The following RSRC1 variants were observed in gnomAD, a reference collection of about 807,000 sequenced individuals.
RSRC1 encodes arginine and serine rich coiled-coil 1.
RSRC1 carries 39 observed loss-of-function variants against 49.1 expected under a neutral mutation model. That is an observed-to-expected ratio of 0.79 (90% CI 0.61 to 1.04). The LOEUF is 1.04. Ranked by LOEUF, RSRC1 falls within the 50% of genes least tolerant of loss-of-function variation. RSRC1 has a pLI of 0.00. For missense variants in RSRC1, 388 were observed against 402.4 expected, an observed-to-expected ratio of 0.96 and a Z score of 0.31; for synonymous variants, 143 against 130.8, an observed-to-expected ratio of 1.09 and a Z score of -0.63.
chr3:158,120,567 T>C (rs1221867243), intron 1 of RSRC1, among the ~76,000 whole-genome samples: 1 of 147,216 alleles, frequency 6.8e-6, no homozygotes, highest in Non-Finnish European at 1.5e-5. Flanking sequence ...TTAATATTAA[T>C]ATATTAAATA....
At chr3:158,194,378 T>TA (rs1466150349) in intron 3 of RSRC1, among the ~76,000 whole-genome samples, 3 of 151,880 alleles carry the variant, frequency 2.0e-5, no homozygotes, top group Non-Finnish European at 4.4e-5. Flanking sequence ...TTCTTTTTTT[T>TA]AAATATACAC....
intron 4 of RSRC1, among the ~76,000 whole-genome samples, chr3:158,294,373 A>G (rs139255658): frequency 0.012 from 1,890 of 152,138 alleles, 51 homozygotes; most frequent in African/African-American, 0.044. Flanking sequence ...TCTTTTTCAT[A>G]ACTTCATTTT....
intron 4 of RSRC1, among the ~76,000 whole-genome samples, chr3:158,235,586 A>G (rs1730059): frequency 0.45 from 68,376 of 152,058 alleles, 15,723 homozygotes; most frequent in East Asian, 0.64. Context: ...TGATGAGTTC[A>G]TATATATTTT....
chr3:158,279,736 T>C (rs188958493), intron 4 of RSRC1, among the ~76,000 whole-genome samples: 1 of 152,340 alleles, frequency 6.6e-6, no homozygotes, highest in African/African-American at 2.4e-5. Context: ...AAGTCTTTCT[T>C]ATATGCAGTG....
intron 4 of RSRC1, among the ~76,000 whole-genome samples, chr3:158,211,946 A>G (rs923646248): frequency 6.6e-6 from 1 of 151,830 alleles, no homozygotes; most frequent in African/African-American, 2.4e-5. Context: ...AGTCTGAAAT[A>G]CTTTCTTCTC....
chr3:158,415,619 T>C (rs1734700928), intron 6 of RSRC1, among the ~76,000 whole-genome samples: 1 of 152,074 alleles, frequency 6.6e-6, no homozygotes, highest in Admixed American at 6.6e-5. Context: ...AAATATTGAC[T>C]TTCAGTTTTT....
At chr3:158,149,102 G>A (rs999056153) in intron 3 of RSRC1, among the ~76,000 whole-genome samples, 1 of 152,120 alleles carries the variant, frequency 6.6e-6, no homozygotes, top group South Asian at 2.1e-4. Flanking sequence ...ATGCTTTTAT[G>A]TATTTGCTGT....
At chr3:158,188,009 G>A (rs1156307299) in intron 3 of RSRC1, among the ~76,000 whole-genome samples, 1 of 151,900 alleles carries the variant, frequency 6.6e-6, no homozygotes, top group Non-Finnish European at 1.5e-5. Flanking sequence ...CTCTCATGCA[G>A]CCGTGAGATA....
chr3:158,322,199 T>G (rs1242132125), intron 5 of RSRC1, among the ~76,000 whole-genome samples: 1 of 152,192 alleles, frequency 6.6e-6, no homozygotes. Context: ...TTATTTCGTG[T>G]TTATTTTTGT....
chr3:158,318,063 T>G (rs956284085), intron 5 of RSRC1, among the ~76,000 whole-genome samples: 1 of 152,076 alleles, frequency 6.6e-6, no homozygotes, highest in Non-Finnish European at 1.5e-5. Context: ...TTTTGGCGAT[T>G]TTTAAAATAG....
chr3:158,417,948 T>A (rs1734834863), intron 6 of RSRC1, among the ~76,000 whole-genome samples: 1 of 151,878 alleles, frequency 6.6e-6, no homozygotes, highest in African/African-American at 2.4e-5. Context: ...CTTTTACTTG[T>A]TTCGGGTTTC....
intron 6 of RSRC1, among the ~76,000 whole-genome samples, chr3:158,429,638 A>G (rs1735662986): frequency 6.6e-6 from 1 of 150,460 alleles, no homozygotes; most frequent in Admixed American, 6.7e-5. Context: ...ATATATGTAT[A>G]TGCTTAAGTG....
At chr3:158,208,555 G>C (rs754086402) in intron 4 of RSRC1, among the ~76,000 whole-genome samples, 14 of 151,972 alleles carry the variant, frequency 9.2e-5, no homozygotes, top group Non-Finnish European at 1.5e-4. Context: ...ATTTTTTCTT[G>C]AGATAAAGTC....
At chr3:158,211,615 A>C (rs575905669) in intron 4 of RSRC1, among the ~76,000 whole-genome samples, 3 of 152,014 alleles carry the variant, frequency 2.0e-5, no homozygotes, top group African/African-American at 7.2e-5. Context: ...AGATAAGGAA[A>C]GGTGCCCTAG....
At chr3:158,390,746 T>C (rs1004719455) in intron 6 of RSRC1, among the ~76,000 whole-genome samples, 12 of 152,176 alleles carry the variant, frequency 7.9e-5, no homozygotes, top group Non-Finnish European at 7.4e-5. Context: ...TGGTTATTTC[T>C]GATTTTAATA....
At chr3:158,438,639 A>C (rs1387860396) in intron 6 of RSRC1, among the ~76,000 whole-genome samples, 3 of 152,088 alleles carry the variant, frequency 2.0e-5, no homozygotes, top group Non-Finnish European at 4.4e-5. Flanking sequence ...AAACTGGATC[A>C]CTTCCTTACA....
intron 3 of RSRC1, among the ~76,000 whole-genome samples, chr3:158,137,812 C>A (rs1716495340): frequency 6.6e-6 from 1 of 152,018 alleles, no homozygotes; most frequent in Non-Finnish European, 1.5e-5. Context: ...CACCACCATG[C>A]CTGGCTAATT....
chr3:158,471,288 C>T (rs1468470085), intron 7 of RSRC1, among the ~76,000 whole-genome samples: 1 of 152,188 alleles, frequency 6.6e-6, no homozygotes, highest in African/African-American at 2.4e-5. Context: ...AACAACACTT[C>T]AGTAACATGG....
intron 4 of RSRC1, among the ~76,000 whole-genome samples, chr3:158,248,224 T>C (rs1724009571): frequency 6.6e-6 from 1 of 152,188 alleles, no homozygotes; most frequent in Non-Finnish European, 1.5e-5. Context: ...TTTAAGAAAC[T>C]GCAAAATAGT....
Sources: allele counts gnomAD v4.1 joint callset (sites outside exome capture counted in the v4.1 genomes callset), GRCh38; gene constraint gnomAD v4.1.1; transcripts MANE v1.5; gene names NCBI Gene and HGNC (gene_info 2026-07-23, HGNC 2026-07-21).